The following GLRX3 variants were observed in gnomAD, a reference collection of about 807,000 sequenced individuals.
GLRX3 encodes glutaredoxin 3.
A neutral mutation model predicts 49.5 loss-of-function variants in GLRX3; 22 were observed. That is an observed-to-expected ratio of 0.44 (90% CI 0.32 to 0.63). GLRX3 has a LOEUF of 0.63. Among genes scored for constraint, GLRX3 ranks in the 30% least tolerant of loss-of-function variants. The pLI is 0.05. For synonymous variants in GLRX3, 133 were observed against 140.0 expected, an observed-to-expected ratio of 0.95 and a Z score of 0.35; for missense variants, 385 against 396.3, an observed-to-expected ratio of 0.97 and a Z score of 0.24.
At chr10:130,144,034 TA>T (rs944838416) in intron 1 of GLRX3, among the ~76,000 whole-genome samples, 378 of 152,080 alleles carry the variant, frequency 2.5e-3, no homozygotes, top group South Asian at 3.5e-3. Context: ...TTAAAAAGTA[TA>T]AAAAAAAGTC....
chr10:130,137,077 T>C (rs1862070651), intron 1 of GLRX3, among the ~76,000 whole-genome samples: 1 of 152,094 alleles, frequency 6.6e-6, no homozygotes. Context: ...TAGCTAGGCC[T>C]GGCTGCCTTT....
chr10:130,175,972 C>T (rs764665234), intron 10 of GLRX3, among the ~76,000 whole-genome samples: 10 of 152,162 alleles, frequency 6.6e-5, no homozygotes, highest in African/African-American at 2.2e-4. Flanking sequence ...AAAACTGCCC[C>T]GAAAAGTGGG....
intron 2 of GLRX3, among the ~76,000 whole-genome samples, chr10:130,151,656 A>C (rs1323960767): frequency 1.3e-5 from 2 of 152,294 alleles, no homozygotes; most frequent in South Asian, 4.1e-4. Context: ...TTTGCTGAAA[A>C]TGCTGGTTTC....
At chr10:130,177,553 A>C (rs1862947178) in intron 10 of GLRX3, among the ~76,000 whole-genome samples, 1 of 152,204 alleles carries the variant, frequency 6.6e-6, no homozygotes, top group South Asian at 2.1e-4. Flanking sequence ...GGAAACAGAG[A>C]CATAGAGAGG....
intron 6 of GLRX3, 67 bp downstream of exon 6, chr10:130,167,047 G>A (rs1312082817): frequency 3.8e-6 from 3 of 780,884 alleles, no homozygotes; most frequent in Non-Finnish European, 6.1e-6. Context: ...AAAGTCCTCA[G>A]GTTTTGCATT....
chr10:130,147,568 C>T (rs1862292863), intron 2 of GLRX3, among the ~76,000 whole-genome samples: 1 of 152,198 alleles, frequency 6.6e-6, no homozygotes, highest in African/African-American at 2.4e-5. Flanking sequence ...ATTGGTCATT[C>T]TTCCAGGAGT....
intron 4 of GLRX3, among the ~76,000 whole-genome samples, chr10:130,162,624 A>G (rs1404619991): frequency 1.3e-5 from 2 of 152,236 alleles, no homozygotes; most frequent in East Asian, 1.9e-4. Flanking sequence ...GCACACCTAC[A>G]GTGAAATCTC....
chr10:130,166,742 T>C, intron 5 of GLRX3, 63 bp downstream of exon 5: 2 of 1,195,676 alleles, frequency 1.7e-6, no homozygotes, highest in South Asian at 2.6e-5. Context: ...TTTTAAAATG[T>C]TGTGATAAAT....
chr10:130,172,770 C>T (rs541142174), intron 8 of GLRX3, among the ~76,000 whole-genome samples: 12 of 152,162 alleles, frequency 7.9e-5, no homozygotes, highest in East Asian at 3.9e-4. Context: ...GGTGAAACCC[C>T]GCCTCTACTA....
intron 1 of GLRX3, among the ~76,000 whole-genome samples, chr10:130,140,678 T>C (rs541455062): frequency 1.3e-4 from 20 of 152,348 alleles, no homozygotes; most frequent in Non-Finnish European, 2.1e-4. Flanking sequence ...TTTCTTCTTT[T>C]CTTTTTTACT....
At chr10:130,149,239 C>T (rs1013799866) in intron 2 of GLRX3, among the ~76,000 whole-genome samples, 3 of 152,000 alleles carry the variant, frequency 2.0e-5, no homozygotes, top group Non-Finnish European at 4.4e-5. Flanking sequence ...AAAAGGAGTT[C>T]AAGACCAGCT....
intron 1 of GLRX3, among the ~76,000 whole-genome samples, chr10:130,141,710 G>T (rs554360100): frequency 6.6e-6 from 1 of 152,118 alleles, no homozygotes; most frequent in African/African-American, 2.4e-5. Flanking sequence ...TCCTGTTGGC[G>T]GACATTTGGC....
At chr10:130,161,761 C>T (rs191447084) in intron 4 of GLRX3, among the ~76,000 whole-genome samples, 7 of 152,258 alleles carry the variant, frequency 4.6e-5, no homozygotes, top group African/African-American at 1.7e-4. Context: ...TGTTGAGACT[C>T]TAAGAGTATT....
intron 1 of GLRX3, among the ~76,000 whole-genome samples, chr10:130,144,045 C>G (rs1314796575): frequency 6.6e-6 from 1 of 152,130 alleles, no homozygotes; most frequent in Non-Finnish European, 1.5e-5. Context: ...AAAAAAAAGT[C>G]TTTGTGAAAA....
At position 130,176,859 on chromosome 10, in the gene GLRX3, G is replaced by A. The variant is rs1266137716; in HGVS notation, c.957+1770G>A. On this transcript the variant is annotated intron_variant, in intron 10 of 10. Coordinates refer to ENST00000331244, the MANE Select transcript of GLRX3 (RefSeq NM_006541.5). ...ATACTCAAACCCCAAATACTCTTGA[G>A]CCTGTTCTTGTCTGAATGTTTTATA... is the stretch of plus-strand genomic sequence containing the variant. 6.9e-4 allele frequency among the ~76,000 whole-genome samples: 102 copies of A among 148,220 alleles called. 3 individuals are homozygous for A. Among genetic ancestry groups the A allele is most frequent in the Non-Finnish European group, 1.5e-5 (1 of 67,556 alleles).
At chr10:130,165,586 A>T (rs1862666225) in intron 4 of GLRX3, among the ~76,000 whole-genome samples, 1 of 152,152 alleles carries the variant, frequency 6.6e-6, no homozygotes, top group Non-Finnish European at 1.5e-5. Flanking sequence ...CAATCTATTG[A>T]TGGTTCATAT....
chr10:130,173,784 T>C (rs2134926243), intron 8 of GLRX3, among the ~76,000 whole-genome samples: 1 of 152,368 alleles, frequency 6.6e-6, no homozygotes, highest in Non-Finnish European at 1.5e-5. Flanking sequence ...TTTGTTCTTC[T>C]TTCAAACATT....
intron 4 of GLRX3, among the ~76,000 whole-genome samples, chr10:130,165,593 A>G (rs1231833778): frequency 6.6e-6 from 1 of 152,090 alleles, no homozygotes; most frequent in Non-Finnish European, 1.5e-5. Flanking sequence ...TTGATGGTTC[A>G]TATATAACAA....
intron 2 of GLRX3, among the ~76,000 whole-genome samples, chr10:130,158,647 C>T (rs916048521): frequency 1.3e-5 from 2 of 152,106 alleles, no homozygotes; most frequent in Non-Finnish European, 2.9e-5. Flanking sequence ...TAGGCATGCC[C>T]TAGTCATTAA....
Sources: gnomAD v4.1 joint callset for allele counts (sites outside exome capture counted in the v4.1 genomes callset) on GRCh38, gnomAD v4.1.1 for gene constraint, MANE v1.5 for transcripts, NCBI Gene and HGNC (gene_info 2026-07-23, HGNC 2026-07-21) for gene names.